The following ROGDI variants were observed in gnomAD, a reference collection of about 807,000 sequenced individuals.
ROGDI encodes rogdi atypical leucine zipper, also known as protein rogdi homolog.
Under a neutral mutation model 43.1 loss-of-function variants are expected in ROGDI, and 46 were observed. The ratio of observed to expected loss-of-function variants is 1.07; its 90% CI spans 0.84 to 1.37. The LOEUF (loss-of-function observed/expected upper bound fraction) is 1.37, where lower values mean the gene tolerates loss of function less well. Among genes scored for constraint, ROGDI ranks in the 40% most tolerant of loss-of-function variants. ROGDI has a pLI of 0.00. For missense variants in ROGDI, 518 were observed against 383.9 expected, an observed-to-expected ratio of 1.35 and a Z score of -2.92; for synonymous variants, 243 against 162.0, an observed-to-expected ratio of 1.50 and a Z score of -3.80.
At chr16:4,800,112 G>A (rs1475195766) in intron 5 of ROGDI, among the ~76,000 whole-genome samples, 1 of 152,198 alleles carries the variant, frequency 6.6e-6, no homozygotes. Context: ...GAGGGGGCAG[G>A]GGAGGAGGCT....
At chr16:4,797,900 G>T (rs763555346) in intron 9 of ROGDI, 38 bp downstream of exon 9, 1 of 1,602,322 alleles carries the variant, frequency 6.2e-7, no homozygotes. Context: ...GGAGGGATGG[G>T]GTGGGCGTGC....
chr16:4,801,625 C>G (rs2082721561), intron 2 of ROGDI, 40 bp from the exon 3 acceptor site: 1 of 1,530,352 alleles, frequency 6.5e-7, no homozygotes, highest in African/African-American at 1.4e-5. Context: ...GTAGCGCCCA[C>G]TCAGGCCCGG....
intron 7 of ROGDI, 77 bp from the exon 8 acceptor site, chr16:4,798,261 A>C: frequency 8.2e-7 from 1 of 1,214,428 alleles, no homozygotes; most frequent in Non-Finnish European, 1.2e-6. Flanking sequence ...GCAGTCACTC[A>C]TGGAGTCTGC....
At chr16:4,798,302 T>C in intron 7 of ROGDI, 118 bp from the exon 8 acceptor site, 2 of 870,596 alleles carry the variant, frequency 2.3e-6, no homozygotes, top group East Asian at 2.7e-5. Context: ...CCAGAGATGC[T>C]CTTCTCATCA....
rs2082675251 is a variant in ROGDI at position 4,798,055 on chromosome 16, A to T, written c.645+16T>A. The stretch of plus-strand genomic sequence containing the variant: ...GTGCATGGCGGGCAGTGGGCCGGGC[A>T]GGGGTCCCTCCTCACCTTGGTGGAG... On this transcript the variant is annotated intron_variant, in intron 8 of 10. Transcript: ENST00000322048. 1.7e-5 allele frequency: 28 copies of T among 1,613,592 alleles called. No homozygotes were observed. The highest frequency in any genetic ancestry group is 2.3e-5 in the Non-Finnish European group (27 of 1,179,720).
intron 6 of ROGDI, chr16:4,798,903 T>C (rs2082686727): frequency 3.7e-6 from 2 of 543,442 alleles, no homozygotes; most frequent in Non-Finnish European, 6.4e-6. Flanking sequence ...ACGGGGATCC[T>C]GGGTGCTGGA....
At chr16:4,798,722 GAAC>G (rs746953423) in intron 6 of ROGDI, 55 bp from the exon 7 acceptor site, 12 of 1,399,876 alleles carry the variant, frequency 8.6e-6, no homozygotes, top group Non-Finnish European at 1.1e-5. Context: ...ATGCATTAAG[GAAC>G]AACAGACATG....
chr16:4,797,589 G>A (rs116931928), intron 10 of ROGDI, 88 bp from the exon 11 acceptor site: 21,197 of 1,587,550 alleles, frequency 0.013, 214 homozygotes, highest in Middle Eastern at 0.017. Context: ...CAATATGTCA[G>A]GACAGGGCAT....
chr16:4,797,510 G>A lies in ROGDI; in HGVS notation c.823-9C>T, dbSNP rs999355247. ...CTGGAGAACACGGAGATCTGCAAGG[G>A]GAGAGGGTGCTGTAGGTTGCTGAAG... On this transcript the variant is annotated splice_polypyrimidine_tract_variant and intron_variant, in intron 10 of 10. Coordinates refer to ENST00000322048, the MANE Select transcript of ROGDI (RefSeq NM_024589.3). 3.2e-6 allele frequency: 5 copies of A among 1,543,874 alleles called. No individual in the cohort carries two copies. In the African/African-American group the frequency reaches 4.5e-5, roughly 14 times the overall value.
At position 4,799,675 on chromosome 16, in the gene ROGDI, G is replaced by T; in HGVS notation, c.432+11C>A. The T allele has an allele frequency of 1.2e-6, 2 of 1,607,088 alleles. No individual in the cohort carries two copies. Among genetic ancestry groups the T allele is most frequent in the Non-Finnish European group, 1.7e-6 (2 of 1,174,922 alleles). The stretch of plus-strand genomic sequence containing the variant: ...GACTAGGCCCAGGAGTCAGGCCCGG[G>T]GGCAGCTCACCTTGAGGACCTCAGC... On this transcript the variant is annotated intron_variant, in intron 6 of 10. Coordinates refer to ENST00000322048, the MANE Select transcript of ROGDI (RefSeq NM_024589.3).
chr16:4,801,201 G>C (rs779771916), intron 4 of ROGDI, 66 bp downstream of exon 4: 3 of 1,377,212 alleles, frequency 2.2e-6, no homozygotes, highest in Non-Finnish European at 3.0e-6. Flanking sequence ...TGTACAGAGA[G>C]AAAGTGGGAG....
At position 4,798,132 on chromosome 16, in the gene ROGDI, T is replaced by G. The variant is rs201116642; in HGVS notation, c.584A>C (p.Asn195Thr). 1 of 1,613,844 alleles carries G rather than the reference T, an allele frequency of 6.2e-7. No individual in the cohort carries two copies. Among genetic ancestry groups the G allele is most frequent in the South Asian group, 1.1e-5 (1 of 91,080 alleles). ...PSDLLVNVYI[N>T]LNKLCLTVYQ... ...CACCGTGAGGCAGAGCTTGTTGAGGTTGATGTAGACGTTGACCAGCAGGTC... is the reference window on the plus strand; with the variant it reads ...CACCGTGAGGCAGAGCTTGTTGAGGGTGATGTAGACGTTGACCAGCAGGTC... The change falls in exon 8 of 11, where the codon AAC becomes ACC. Residue 195 changes from asparagine (N) to threonine (T), a missense_variant. Coordinates refer to ENST00000322048, the MANE Select transcript of ROGDI (RefSeq NM_024589.3).
intron 6 of ROGDI, 128 bp downstream of exon 6, chr16:4,799,558 C>T: frequency 1.6e-6 from 1 of 625,298 alleles, no homozygotes. Context: ...AATGGAGACA[C>T]AGAGTCGGCA....
intron 2 of ROGDI, chr16:4,801,886 C>T: frequency 3.5e-6 from 2 of 575,266 alleles, no homozygotes; most frequent in Non-Finnish European, 6.3e-6. Flanking sequence ...GGGGCAGAGT[C>T]AGGGAACAAG....
At position 4,800,556 on chromosome 16, in the gene ROGDI, C is replaced by G; in HGVS notation, c.278G>C (p.Arg93Pro). ...GGCGAAGTGCAGCAGCTGGTTGTTC[C>G]GGGGCATCTTCAGGTTCACATCCTG... ...SQADVNLKMP[R>P]NNQLLHFAFR... The change falls in exon 5 of 11, where the codon CGG becomes CCG. Residue 93 changes from arginine to proline, a missense_variant. Physicochemically the swap from Arg to Pro is moderately radical, Grantham distance 103. Coordinates refer to ENST00000322048, the MANE Select transcript of ROGDI (RefSeq NM_024589.3). The G allele has an allele frequency of 6.4e-7, 1 of 1,568,408 alleles. No individual in the cohort carries two copies. Among genetic ancestry groups the G allele is most frequent in the Non-Finnish European group, 8.7e-7 (1 of 1,155,956 alleles).
Position 4,799,676 on chromosome 16 carries a change from G to T in ROGDI, c.432+10C>A. 1 of 1,607,900 alleles carries T rather than the reference G, an allele frequency of 6.2e-7. No homozygotes were observed. The highest frequency in any genetic ancestry group is 1.1e-5 in the South Asian group (1 of 90,450). ...ACTAGGCCCAGGAGTCAGGCCCGGG[G>T]GCAGCTCACCTTGAGGACCTCAGCG... On this transcript the variant is annotated intron_variant, in intron 6 of 10. Coordinates refer to ENST00000322048, the MANE Select transcript of ROGDI (RefSeq NM_024589.3).
chr16:4,799,725 G>C lies in ROGDI; in HGVS notation c.393C>G (p.Asp131Glu), dbSNP rs143095485. 3.2e-3 allele frequency: 5,199 copies of C among 1,613,742 alleles called. 152 individuals are homozygous for C. In the African/African-American group the frequency reaches 0.062, roughly 19 times the overall value. ...CGCCCGTCTTGAACTGGTAGCTCTG[G>C]TCCCGGCTGGTAAGCAGGTAAATGG... ...SQAIYLLTSR[D>E]QSYQFKTGAE... Residue 131 changes from aspartate to glutamate, a missense_variant, in exon 6 of 11, where the codon GAC becomes GAG. By Grantham distance (45) the Asp-to-Glu change is conservative. Transcript: ENST00000322048.
At position 4,800,468 on chromosome 16, in the gene ROGDI, C is replaced by T. The variant is rs2082701290; in HGVS notation, c.336+30G>A. 6 of 1,540,302 alleles carry T rather than the reference C, an allele frequency of 3.9e-6. No homozygotes were observed. The South Asian group carries it at 7.2e-5, about 18-fold the overall frequency. ...GGCCTGCTGCCGCCTGTCCTTGTGGCTGAGCACTAGCCAGGAGGGGCGGGG... is the reference window on the plus strand; with the variant it reads ...GGCCTGCTGCCGCCTGTCCTTGTGGTTGAGCACTAGCCAGGAGGGGCGGGG... On this transcript the variant is annotated intron_variant, in intron 5 of 10. Transcript: ENST00000322048.
Position 4,797,133 on chromosome 16 carries a change from G to A in ROGDI, c.*327C>T. ...CCCGACACCATGCCCTCCAGGGGGA[G>A]GGGACAGCGAAGGGGAGAGGAGGGA... On this transcript the variant is annotated 3_prime_UTR_variant, in exon 11 of 11. Coordinates refer to ENST00000322048, the MANE Select transcript of ROGDI (RefSeq NM_024589.3). 1 of 308,668 alleles carries A rather than the reference G, an allele frequency of 3.2e-6. No individual in the cohort carries two copies. The highest frequency in any genetic ancestry group is 6.1e-6 in the Non-Finnish European group (1 of 163,040). 19.1% of individuals were successfully genotyped at this position (308,668 alleles called of 1,614,324 possible). A position where few individuals can be genotyped will look rare whatever the true frequency, so the allele number is the denominator to read the frequency against.
Sources: allele counts gnomAD v4.1 joint callset (sites outside exome capture counted in the v4.1 genomes callset), GRCh38; gene constraint gnomAD v4.1.1; transcripts MANE v1.5; gene names NCBI Gene and HGNC (gene_info 2026-07-23, HGNC 2026-07-21).